CCDC73: variants seen among roughly 807,000 people sequenced by gnomAD.
CCDC73 encodes the protein coiled-coil domain containing 73, also known as coiled-coil domain-containing protein 73.
In CCDC73, 95 loss-of-function variants were observed where a neutral mutation model predicts 116.5. The observed-to-expected ratio is 0.82, with a 90% CI of 0.69 to 0.97. The LOEUF is 0.97. CCDC73 is among the 50% of genes least tolerant of loss of function. The pLI is 0.00. For synonymous variants in CCDC73, 398 were observed against 401.3 expected (o/e 0.99, Z 0.10); for missense variants, 1,066 against 1,206.8 (o/e 0.88, Z 1.73).
intron 14 of CCDC73, among the ~76,000 whole-genome samples, chr11:32,619,978 G>A (rs530255929): frequency 1.7e-4 from 26 of 152,282 alleles, no homozygotes; most frequent in Admixed American, 3.9e-4. Flanking sequence ...AAATGCCGAT[G>A]AAAATCTCCA....
the CCDC73 span, among the ~76,000 whole-genome samples, chr11:32,809,612 G>A: frequency 6.6e-6 from 1 of 152,142 alleles, no homozygotes; most frequent in African/African-American, 2.4e-5. Flanking sequence ...TTTCAGTAGT[G>A]GAAGGCAGAC....
At chr11:32,679,148 G>A (rs1451418103) in intron 7 of CCDC73, among the ~76,000 whole-genome samples, 1 of 152,044 alleles carries the variant, frequency 6.6e-6, no homozygotes, top group East Asian at 1.9e-4. Context: ...CAAACAAGTT[G>A]ATAAATGTAC....
intron 6 of CCDC73, among the ~76,000 whole-genome samples, chr11:32,687,333 T>G (rs1300977648): frequency 6.6e-6 from 1 of 151,770 alleles, no homozygotes; most frequent in East Asian, 1.9e-4. Context: ...CTAAGTAAGG[T>G]GAGGAGGGTG....
chr11:32,825,476 AT>A, the CCDC73 span, among the ~76,000 whole-genome samples: 2 of 151,736 alleles, frequency 1.3e-5, no homozygotes, highest in Non-Finnish European at 2.9e-5. Flanking sequence ...CTAATTTTGT[AT>A]TTTTAGTAGA....
the CCDC73 span, among the ~76,000 whole-genome samples, chr11:32,824,526 A>C: frequency 6.6e-6 from 1 of 152,354 alleles, no homozygotes; most frequent in South Asian, 2.1e-4. Flanking sequence ...GTTCAAAGTC[A>C]TCTAGCTAGG....
At position 32,614,631 on chromosome 11, in the gene CCDC73, T is replaced by C. The variant is rs1352026993; in HGVS notation, c.1687A>G (p.Thr563Ala). The C allele has an allele frequency of 1.9e-6, 3 of 1,612,568 alleles. No homozygotes were observed. ...TTTTCAACCTCCAGATTTACATCTGTATGGTGAACATCTAATCCTCTGGTT... is the reference window on the plus strand; with the variant it reads ...TTTTCAACCTCCAGATTTACATCTGCATGGTGAACATCTAATCCTCTGGTT... Reference protein sequence around the residue: ...ERTRGLDVHHTDVNLEVENNK... With the variant: ...ERTRGLDVHHADVNLEVENNK... The change falls in exon 16 of 18, where the codon ACA (threonine) becomes GCA (alanine). Residue 563 changes from threonine to alanine, a missense_variant. By Grantham distance (58) the Thr-to-Ala change is moderately conservative (BLOSUM62 0). Transcript: ENST00000335185.
intron 2 of CCDC73, among the ~76,000 whole-genome samples, chr11:32,738,195 T>A (rs1303642965): frequency 6.6e-6 from 1 of 152,244 alleles, no homozygotes; most frequent in East Asian, 1.9e-4. Context: ...ATACACTGAT[T>A]TCCTTTCCTT....
chr11:32,756,775 T>C (rs1255932784), intron 2 of CCDC73, among the ~76,000 whole-genome samples: 2 of 152,080 alleles, frequency 1.3e-5, no homozygotes, highest in African/African-American at 4.8e-5. Context: ...CTAAATATAA[T>C]TATTCATTTT....
the CCDC73 span, among the ~76,000 whole-genome samples, chr11:32,823,424 AGATTGTGCCATTGCAC>A: frequency 7.8e-4 from 119 of 152,324 alleles, no homozygotes; most frequent in Non-Finnish European, 1.2e-3. Flanking sequence ...CAGTGAGCCA[AGATTGTGCCATTGCAC>A]TCCAGCCTTG....
At chr11:32,703,506 G>A (rs1165132720) in intron 3 of CCDC73, among the ~76,000 whole-genome samples, 1 of 150,050 alleles carries the variant, frequency 6.7e-6, no homozygotes, top group African/African-American at 2.5e-5. Context: ...GATATTATTT[G>A]CTCCAAATCT....
intron 3 of CCDC73, among the ~76,000 whole-genome samples, chr11:32,707,245 T>G (rs527704055): frequency 1.1e-3 from 175 of 152,244 alleles, no homozygotes; most frequent in African/African-American, 4.1e-3. Context: ...ACACTGTTGT[T>G]TCCCAGTCAA....
chr11:32,745,204 G>C (rs981469692), intron 2 of CCDC73, among the ~76,000 whole-genome samples: 1 of 152,160 alleles, frequency 6.6e-6, no homozygotes, highest in South Asian at 2.1e-4. Context: ...TTTCCATGTA[G>C]TTGAGCAGTT....
the CCDC73 span, among the ~76,000 whole-genome samples, chr11:32,812,456 G>A: frequency 6.6e-6 from 1 of 152,020 alleles, no homozygotes; most frequent in African/African-American, 2.4e-5. Flanking sequence ...ACCTGAGGTC[G>A]GGAGTTCAAG....
At chr11:32,717,500 C>A (rs1182120157) in intron 3 of CCDC73, among the ~76,000 whole-genome samples, 1 of 152,104 alleles carries the variant, frequency 6.6e-6, no homozygotes, top group Non-Finnish European at 1.5e-5. Flanking sequence ...TATCAAAAAG[C>A]CTGAACAAAA....
In CCDC73 at chr11:32,613,663, G is replaced by T. The variant is rs1372928634; in HGVS notation, c.2655C>A (p.Thr885=). Residue 885 remains threonine (T), a synonymous_variant, in exon 16 of 18, where the codon ACC becomes ACA. Transcript: ENST00000335185. ...TTTTATCTGAAGTTGAAAGATCAAA[G>T]GTTGACCTTCCGCTTCTGTTTACTA... The part of the protein sequence containing the change: ...GDLVNRSGRS[T]FDLSTSDKKT... 7.4e-6 allele frequency: 12 copies of T among 1,613,988 alleles called. No individual in the cohort carries two copies. The South Asian group carries it at 1.3e-4, about 18-fold the overall frequency.
rs369078499 is a variant in CCDC73, at chr11:32,611,159, A to G, written c.3003T>C (p.Phe1001=). 6.2e-7 allele frequency: 1 copy of G among 1,613,812 alleles called. No homozygotes were observed. Among genetic ancestry groups the G allele is most frequent in the African/African-American group, 1.3e-5 (1 of 74,930 alleles). ...SEEKNAMAKT[F]YDSSFPTEHV... ...GTTCTGTGGGAAAAGAGGAATCATA[A>G]AAAGTCTTTGCCATTGCATTCTTCT... The change falls in exon 17 of 18, where the codon TTT becomes TTC. Residue 1001 remains phenylalanine (F), a synonymous_variant. Coordinates refer to ENST00000335185, the MANE Select transcript of CCDC73 (RefSeq NM_001008391.4).
At chr11:32,649,841 T>C (rs1855810962) in intron 12 of CCDC73, among the ~76,000 whole-genome samples, 1 of 152,220 alleles carries the variant, frequency 6.6e-6, no homozygotes, top group Non-Finnish European at 1.5e-5. Context: ...TGATAGATTG[T>C]ATTGTTTGCA....
intron 9 of CCDC73, among the ~76,000 whole-genome samples, chr11:32,665,956 T>A (rs572994939): frequency 1.1e-4 from 16 of 152,198 alleles, no homozygotes; most frequent in Non-Finnish European, 2.1e-4. Flanking sequence ...GGGTTGAAAA[T>A]TATTTTCTTT....
At chr11:32,618,875 C>A (rs536852172) in intron 14 of CCDC73, among the ~76,000 whole-genome samples, 4 of 152,040 alleles carry the variant, frequency 2.6e-5, no homozygotes, top group Non-Finnish European at 2.9e-5. Flanking sequence ...ATAGTCATTC[C>A]GACTGGTGTG....
Sources: allele counts gnomAD v4.1 joint callset (sites outside exome capture counted in the v4.1 genomes callset), GRCh38; gene constraint gnomAD v4.1.1; transcripts MANE v1.5; gene names NCBI Gene and HGNC (gene_info 2026-07-23, HGNC 2026-07-21).